The following AMMECR1 variants were observed in gnomAD, a reference collection of about 807,000 sequenced individuals.
AMMECR1 encodes AMMECR nuclear protein 1.
In AMMECR1, 3 loss-of-function variants were observed where a neutral mutation model predicts 22.5. The observed-to-expected ratio is 0.13, with a 90% CI of 0.06 to 0.35. AMMECR1 has a LOEUF of 0.35. Among genes scored for constraint, AMMECR1 ranks in the 10% least tolerant of loss-of-function variants. The pLI is 1.00. For synonymous variants in AMMECR1, 130 were observed against 116.7 expected (o/e 1.11, Z -0.74); for missense variants, 235 against 278.7 (o/e 0.84, Z 1.12).
intron 2 of AMMECR1, among the ~76,000 whole-genome samples, chrX:110,402,546 TC>T (rs889399822): frequency 8.0e-5 from 9 of 112,556 alleles, no homozygotes; most frequent in African/African-American, 2.9e-4. Context: ...GAGAGCTGTG[TC>T]CCCGGCTCCA....
intron 1 of AMMECR1, among the ~76,000 whole-genome samples, chrX:110,428,765 A>C (rs746315002): frequency 1.8e-5 from 2 of 111,441 alleles, no homozygotes; most frequent in African/African-American, 6.5e-5. Flanking sequence ...ACCTCCCCCC[A>C]TTCCCCTATG....
At chrX:110,272,155 G>T (rs910972367) in intron 1 of AMMECR1, among the ~76,000 whole-genome samples, 5 of 110,557 alleles carry the variant, frequency 4.5e-5, no homozygotes, top group African/African-American at 1.6e-4. Flanking sequence ...GGCAGAGCTT[G>T]CAGTGAGCCA....
chrX:110,364,653 G>C (rs763864818), intron 2 of AMMECR1, among the ~76,000 whole-genome samples: 2 of 111,855 alleles, frequency 1.8e-5, no homozygotes, highest in South Asian at 7.5e-4. Flanking sequence ...GGAAAAAATT[G>C]AGTTTTGGAA....
chrX:110,224,539 T>C lies in AMMECR1; in HGVS notation c.585-7907A>G, dbSNP rs191387425. On this transcript the variant is annotated intron_variant, in intron 2 of 5. Transcript: ENST00000262844. ...GTTTTACAGAAATAAAAAAAAGATA[T>C]ATATATATTTTTCAGAAACAAATCT... Among the ~76,000 whole-genome samples the C allele has an allele frequency of 1.4e-4, 15 of 110,736 alleles. No homozygotes were observed. In the East Asian group the frequency reaches 3.4e-3, roughly 25 times the overall value.
intron 2 of AMMECR1, among the ~76,000 whole-genome samples, chrX:110,354,162 C>A (rs1395578568): frequency 9.0e-6 from 1 of 111,246 alleles, no homozygotes; most frequent in Non-Finnish European, 1.9e-5. Flanking sequence ...GAAATAACAA[C>A]CTAAAATTCA....
At chrX:110,337,862 A>T (rs2068147008) in intron 2 of AMMECR1, among the ~76,000 whole-genome samples, 1 of 112,496 alleles carries the variant, frequency 8.9e-6, no homozygotes, top group Admixed American at 9.4e-5. Flanking sequence ...GTATATACAT[A>T]CAATGAAACA....
At chrX:110,289,258 T>G (rs2067896035) in intron 1 of AMMECR1, among the ~76,000 whole-genome samples, 1 of 111,462 alleles carries the variant, frequency 9.0e-6, no homozygotes, top group Non-Finnish European at 1.9e-5. Flanking sequence ...TTCTGACCAC[T>G]TAAGGCACTG....
intron 2 of AMMECR1, among the ~76,000 whole-genome samples, chrX:110,419,315 G>A (rs2068701215): frequency 8.9e-6 from 1 of 112,210 alleles, no homozygotes; most frequent in South Asian, 3.8e-4. Context: ...TGCCTGGACT[G>A]CCCTTCCTCT....
chrX:110,251,322 A>G lies in AMMECR1; in HGVS notation c.584+13167T>C, dbSNP rs781655446. 6.3e-4 allele frequency among the ~76,000 whole-genome samples: 71 copies of G among 112,047 alleles called. 1 individual carries two copies. The highest frequency in any genetic ancestry group is 1.3e-3 in the Non-Finnish European group (67 of 53,207). ...GGGGACTGTCAAGGAAATCTCACAG[A>G]GGAAGCAATGAGCAAGCTGAGTCTT... On this transcript the variant is annotated intron_variant, in intron 2 of 5. Transcript: ENST00000262844.
At chrX:110,368,602 TC>T (rs2068314769) in intron 2 of AMMECR1, among the ~76,000 whole-genome samples, 1 of 112,095 alleles carries the variant, frequency 8.9e-6, no homozygotes, top group East Asian at 2.8e-4. Context: ...AAATTGCCAC[TC>T]TCTGCATGCT....
At chrX:110,381,595 C>A (rs2068419670) in intron 2 of AMMECR1, among the ~76,000 whole-genome samples, 1 of 111,565 alleles carries the variant, frequency 9.0e-6, no homozygotes, top group Admixed American at 9.5e-5. Flanking sequence ...GGAAAATAAA[C>A]CATTCTACCA....
chrX:110,429,955 A>C (rs1377172714), intron 1 of AMMECR1, among the ~76,000 whole-genome samples: 2 of 111,865 alleles, frequency 1.8e-5, no homozygotes, highest in African/African-American at 6.5e-5. Flanking sequence ...TGTTCTTTGT[A>C]ATTTTGGATT....
chrX:110,289,460 A>G (rs955259120), intron 1 of AMMECR1, among the ~76,000 whole-genome samples: 4 of 112,463 alleles, frequency 3.6e-5, no homozygotes, highest in African/African-American at 1.3e-4. Context: ...AATTTGAAAC[A>G]TACTAGTCAT....
intron 2 of AMMECR1, among the ~76,000 whole-genome samples, chrX:110,400,498 C>T (rs921244317): frequency 5.4e-5 from 6 of 110,562 alleles, no homozygotes; most frequent in Non-Finnish European, 1.1e-4. Flanking sequence ...TACCCTACCT[C>T]TTCTGACTCC....
chrX:110,307,636 C>G (rs1337897780), intron 1 of AMMECR1, among the ~76,000 whole-genome samples: 2 of 110,730 alleles, frequency 1.8e-5, no homozygotes, highest in Non-Finnish European at 3.8e-5. Flanking sequence ...ATAGACAAGT[C>G]AAGAAAAATA....
chrX:110,412,146 C>T (rs1222290430), intron 2 of AMMECR1, among the ~76,000 whole-genome samples: 1 of 112,042 alleles, frequency 8.9e-6, no homozygotes, highest in Non-Finnish European at 1.9e-5. Flanking sequence ...CTCAAATTGG[C>T]AAAAATTTAA....
intron 2 of AMMECR1, among the ~76,000 whole-genome samples, chrX:110,357,246 G>A (rs780540266): frequency 4.5e-5 from 5 of 111,790 alleles, no homozygotes; most frequent in African/African-American, 1.6e-4. Context: ...AAGTAACGTA[G>A]GTGTATCTAA....
At chrX:110,234,834 A>G (rs746805382) in intron 2 of AMMECR1, among the ~76,000 whole-genome samples, 2 of 112,101 alleles carry the variant, frequency 1.8e-5, no homozygotes, top group South Asian at 7.4e-4. Flanking sequence ...TTAATTCAAG[A>G]TGGATTAAAG....
intron 1 of AMMECR1, among the ~76,000 whole-genome samples, chrX:110,281,712 T>C (rs2067853506): frequency 8.9e-6 from 1 of 112,340 alleles, no homozygotes; most frequent in South Asian, 3.7e-4. Context: ...CTGGGCCATC[T>C]TCTCAATAAC....
Sources: gnomAD v4.1 joint callset for allele counts (sites outside exome capture counted in the v4.1 genomes callset) on GRCh38, gnomAD v4.1.1 for gene constraint, MANE v1.5 for transcripts, NCBI Gene and HGNC (gene_info 2026-07-23, HGNC 2026-07-21) for gene names.